SORBS2: variants seen among roughly 807,000 people sequenced by gnomAD.
The protein encoded by SORBS2 is sorbin and SH3 domain-containing protein 2.
A neutral mutation model predicts 97.7 loss-of-function variants in SORBS2; 46 were observed. The ratio of observed to expected loss-of-function variants is 0.47; its 90% confidence interval spans 0.37 to 0.60. The LOEUF (loss-of-function observed/expected upper bound fraction) is 0.60, where lower values mean the gene tolerates loss of function less well. Ranked by LOEUF, SORBS2 falls within the 20% of genes least tolerant of loss-of-function variation. The pLI, the probability that SORBS2 is intolerant of heterozygous loss-of-function variation, is 0.00. For missense variants in SORBS2, 1,316 were observed against 1,282.3 expected, an observed-to-expected ratio of 1.03 and a Z score of -0.40; for synonymous variants, 476 against 473.4, an observed-to-expected ratio of 1.01 and a Z score of -0.07.
chr4:185,873,624 T>C (rs902608471), intron 1 of SORBS2, among the ~76,000 whole-genome samples: 2 of 152,166 alleles, frequency 1.3e-5, no homozygotes, highest in South Asian at 4.1e-4. Flanking sequence ...GTAACAGCGA[T>C]TACAATCTCT....
chr4:185,724,252 A>G (rs959278414), intron 2 of SORBS2, among the ~76,000 whole-genome samples: 2 of 151,894 alleles, frequency 1.3e-5, no homozygotes, highest in African/African-American at 4.8e-5. Flanking sequence ...GAAACACCAT[A>G]AATTTGATCT....
At chr4:185,614,741 C>G in intron 11 of SORBS2, 90 bp downstream of exon 23, 1 of 1,435,152 alleles carries the variant, frequency 7.0e-7, no homozygotes, top group Non-Finnish European at 9.4e-7. Flanking sequence ...AAAAAGATAA[C>G]CTATTTTAGT....
At chr4:185,796,437 A>G (rs1322139494) in intron 1 of SORBS2, among the ~76,000 whole-genome samples, 1 of 152,004 alleles carries the variant, frequency 6.6e-6, no homozygotes, top group Admixed American at 6.5e-5. Context: ...TTTATATGAA[A>G]TCCATCGCTC....
chr4:185,714,352 A>G (rs1049744386), intron 2 of SORBS2, among the ~76,000 whole-genome samples: 1 of 152,192 alleles, frequency 6.6e-6, no homozygotes, highest in Non-Finnish European at 1.5e-5. Context: ...CTTGGTCTAT[A>G]CCAGGTTTAT....
chr4:185,604,932 G>T (rs893948335), intron 12 of SORBS2, among the ~76,000 whole-genome samples: 1 of 152,166 alleles, frequency 6.6e-6, no homozygotes, highest in African/African-American at 2.4e-5. Context: ...CCGCGTGCAG[G>T]GTGTGAGCTG....
At chr4:185,651,342 C>A (rs2097310958) in intron 2 of SORBS2, among the ~76,000 whole-genome samples, 1 of 152,226 alleles carries the variant, frequency 6.6e-6, no homozygotes, top group South Asian at 2.1e-4. Context: ...TAAACTCTTT[C>A]AATGAATGGT....
chr4:185,879,090 T>C (rs1291284641), intron 1 of SORBS2, among the ~76,000 whole-genome samples: 1 of 151,410 alleles, frequency 6.6e-6, no homozygotes, highest in African/African-American at 2.4e-5. Flanking sequence ...GTTACATATG[T>C]ATACATGTGC....
At position 185,642,785 on chromosome 4, in the gene SORBS2, C is replaced by G. The variant is rs6857721; in HGVS notation, c.396+3883G>C. On this transcript the variant is annotated intron_variant, in intron 4 of 14. Transcript: ENST00000418609. Reference sequence around the variant, plus strand: ...AGATTTTTGTTCAAACAGTACTACCCCCCTGCCTTCTCTGTATCCCAGGGA... The same window carrying G: ...AGATTTTTGTTCAAACAGTACTACCGCCCTGCCTTCTCTGTATCCCAGGGA... Among the ~76,000 whole-genome samples the G allele has an allele frequency of 4.6e-3, 708 of 152,280 alleles. 4 individuals are homozygous for G. Among genetic ancestry groups the G allele is most frequent in the African/African-American group, 0.017 (686 of 41,548 alleles).
intron 1 of SORBS2, among the ~76,000 whole-genome samples, chr4:185,892,291 G>A (rs2099242905): frequency 6.6e-6 from 1 of 152,166 alleles, no homozygotes; most frequent in Non-Finnish European, 1.5e-5. Context: ...AGTTGTTAAT[G>A]TTCTAGAATT....
intron 1 of SORBS2, among the ~76,000 whole-genome samples, chr4:185,871,091 G>A (rs2099230176): frequency 6.6e-6 from 1 of 152,148 alleles, no homozygotes; most frequent in Non-Finnish European, 1.5e-5. Context: ...AAACCACACA[G>A]AGTCTATTCC....
intron 1 of SORBS2, among the ~76,000 whole-genome samples, chr4:185,840,243 A>C (rs1279910857): frequency 6.6e-6 from 1 of 152,170 alleles, no homozygotes; most frequent in Non-Finnish European, 1.5e-5. Flanking sequence ...CGTGTTATGG[A>C]AATGCTCTGA....
At chr4:185,691,884 A>T (rs575716032) in intron 2 of SORBS2, among the ~76,000 whole-genome samples, 9 of 152,282 alleles carry the variant, frequency 5.9e-5, no homozygotes, top group African/African-American at 2.2e-4. Flanking sequence ...AGCTGGGACT[A>T]CAGGCACCCG....
intron 1 of SORBS2, among the ~76,000 whole-genome samples, chr4:185,863,126 G>A (rs370906665): frequency 2.6e-5 from 4 of 152,136 alleles, no homozygotes; most frequent in Admixed American, 1.3e-4. Flanking sequence ...CTAAAGGCAC[G>A]TCCCTCCACC....
At chr4:185,813,903 A>G (rs1165228593) in intron 1 of SORBS2, among the ~76,000 whole-genome samples, 2 of 151,916 alleles carry the variant, frequency 1.3e-5, no homozygotes, top group Admixed American at 6.6e-5. Flanking sequence ...AGACTGTTCT[A>G]TCAACTCTCT....
chr4:185,640,156 G>C (rs940255688), intron 4 of SORBS2, among the ~76,000 whole-genome samples: 10 of 152,158 alleles, frequency 6.6e-5, no homozygotes, highest in African/African-American at 2.4e-4. Context: ...TGACAAAATA[G>C]TGCAAAAGCC....
chr4:185,850,249 G>T (rs145527015), intron 1 of SORBS2, among the ~76,000 whole-genome samples: 20 of 152,306 alleles, frequency 1.3e-4, no homozygotes, highest in African/African-American at 4.8e-4. Flanking sequence ...AATTGGTAAT[G>T]ACTGAGTTGG....
chr4:185,720,476 A>ATGCAATTG, intron 2 of SORBS2, among the ~76,000 whole-genome samples: 1 of 152,190 alleles, frequency 6.6e-6, no homozygotes, highest in Non-Finnish European at 1.5e-5. Context: ...AGTAGATCAC[A>ATGCAATTG]CCCATGCAAT....
intron 12 of SORBS2, among the ~76,000 whole-genome samples, chr4:185,602,053 C>T (rs969175963): frequency 5.9e-5 from 9 of 152,082 alleles, no homozygotes; most frequent in Admixed American, 2.0e-4. Flanking sequence ...GCTCTGTTGC[C>T]AGGCTGGAGT....
rs77637602 is a variant in SORBS2 at position 185,700,276 on chromosome 4, T to A, written c.-197-21454A>T. 3.6e-3 allele frequency among the ~76,000 whole-genome samples: 549 copies of A among 151,628 alleles called. 3 individuals carry two copies. Among genetic ancestry groups the A allele is most frequent in the African/African-American group, 0.013 (527 of 41,372 alleles). On this transcript the variant is annotated intron_variant, in intron 2 of 20. Transcript: ENST00000284776. Reference sequence around the variant, plus strand: ...AGATTGGGCTCCAGCTGCCTCACTTTTAAAGTGTCCACATGAGTCTGTGCG... The same window carrying A: ...AGATTGGGCTCCAGCTGCCTCACTTATAAAGTGTCCACATGAGTCTGTGCG...
Sources: allele counts gnomAD v4.1 joint callset (sites outside exome capture counted in the v4.1 genomes callset), GRCh38; gene constraint gnomAD v4.1.1; transcripts MANE v1.5; gene names NCBI Gene and HGNC (gene_info 2026-07-23, HGNC 2026-07-21).